DLGAP1: variants seen among roughly 807,000 people sequenced by gnomAD.
DLGAP1 encodes DLG associated protein 1.
Under a neutral mutation model 90.8 loss-of-function variants are expected in DLGAP1, and 11 were observed. That is an observed-to-expected ratio of 0.12 (90% CI 0.08 to 0.20). The LOEUF is 0.20. Ranked by LOEUF, DLGAP1 falls within the 10% of genes least tolerant of loss-of-function variation. The pLI, the probability that DLGAP1 is intolerant of heterozygous loss-of-function variation, is 1.00. For missense variants in DLGAP1, 1,050 were observed against 1,333.8 expected (o/e 0.79, Z 3.31); for synonymous variants, 558 against 540.7 (o/e 1.03, Z -0.44).
chr18:3,999,656 A>G (rs949256308), intron 3 of DLGAP1, among the ~76,000 whole-genome samples: 5 of 152,180 alleles, frequency 3.3e-5, no homozygotes, highest in Non-Finnish European at 7.3e-5. Flanking sequence ...AAGTAATTTG[A>G]TATTGCCACT....
At chr18:4,087,273 C>T (rs1762994770) in intron 2 of DLGAP1, among the ~76,000 whole-genome samples, 1 of 151,754 alleles carries the variant, frequency 6.6e-6, no homozygotes. Context: ...CAAAACTGGC[C>T]ATAAACAAAA....
chr18:4,020,101 T>C (rs1444023595), intron 2 of DLGAP1, among the ~76,000 whole-genome samples: 1 of 152,156 alleles, frequency 6.6e-6, no homozygotes, highest in Non-Finnish European at 1.5e-5. Flanking sequence ...CTAGGTTTTA[T>C]CGTGCAGATG....
At chr18:4,287,823 A>G (rs1487647435) in intron 1 of DLGAP1, among the ~76,000 whole-genome samples, 2 of 152,152 alleles carry the variant, frequency 1.3e-5, no homozygotes, top group Non-Finnish European at 2.9e-5. Context: ...TACATTCTGC[A>G]CATGTATCCC....
At position 3,866,827 on chromosome 18, in the gene DLGAP1, T is replaced by C. The variant is rs569321253; in HGVS notation, c.957+12285A>G. ...AAATGTCTTGAATATCCATCAAGTG[T>C]GGAATTAGTGTTATTTTTTATTTTA... is the stretch of plus-strand genomic sequence containing the variant. On this transcript the variant is annotated intron_variant, in intron 4 of 12. Transcript: ENST00000315677. 5.3e-5 allele frequency among the ~76,000 whole-genome samples: 8 copies of C among 152,256 alleles called. No individual in the cohort carries two copies. In the South Asian group the frequency reaches 1.7e-3, roughly 32 times the overall value.
intron 1 of DLGAP1, among the ~76,000 whole-genome samples, chr18:4,242,439 C>A (rs377178824): frequency 6.6e-6 from 1 of 152,072 alleles, no homozygotes; most frequent in East Asian, 1.9e-4. Flanking sequence ...AAGGAGAACA[C>A]AAGCAGCCAG....
intron 5 of DLGAP1, among the ~76,000 whole-genome samples, chr18:3,787,176 A>G (rs952527883): frequency 6.6e-6 from 1 of 152,148 alleles, no homozygotes; most frequent in Non-Finnish European, 1.5e-5. Context: ...GCATAGATAT[A>G]TGGTCACATT....
intron 1 of DLGAP1, among the ~76,000 whole-genome samples, chr18:4,244,156 A>G (rs2145149510): frequency 6.6e-6 from 1 of 152,300 alleles, no homozygotes; most frequent in Admixed American, 6.5e-5. Flanking sequence ...AATAATTTGA[A>G]ATATATTTTC....
intron 7 of DLGAP1, among the ~76,000 whole-genome samples, chr18:3,682,135 A>AAAAAAAAAAAAAT (rs1567956191): frequency 1.4e-5 from 2 of 147,700 alleles, no homozygotes; most frequent in Non-Finnish European, 1.5e-5. Flanking sequence ...AAAAAATAAA[A>AAAAAAAAAAAAAT]AAAAATAAAA....
At position 4,234,818 on chromosome 18, in the gene DLGAP1, C is replaced by CT. The variant is rs1437369216; in HGVS notation, c.-266-83532dup. 2.6e-5 allele frequency among the ~76,000 whole-genome samples: 4 copies of CT among 152,040 alleles called. No homozygotes were observed. In the East Asian group the frequency reaches 7.7e-4, roughly 29 times the overall value. On this transcript the variant is annotated intron_variant, in intron 1 of 12. Coordinates refer to ENST00000315677, the MANE Select transcript of DLGAP1 (RefSeq NM_004746.4). ...GGCAATTTGGATAGATGCTGACGTT[C>CT]TTTTTTTCCTGTTTTACTTATTCAC...
chr18:4,262,308 C>T (rs750839680), intron 1 of DLGAP1, among the ~76,000 whole-genome samples: 2 of 152,076 alleles, frequency 1.3e-5, no homozygotes, highest in African/African-American at 2.4e-5. Context: ...AAGGAATTCC[C>T]GGGCAGTCCC....
At chr18:3,693,123 G>T (rs1156503161) in intron 7 of DLGAP1, among the ~76,000 whole-genome samples, 5 of 152,182 alleles carry the variant, frequency 3.3e-5, no homozygotes, top group African/African-American at 1.2e-4. Flanking sequence ...AGTCTATGTC[G>T]CTCAGGCTGG....
intron 2 of DLGAP1, among the ~76,000 whole-genome samples, chr18:4,147,483 C>G (rs12607175): frequency 6.6e-6 from 1 of 152,090 alleles, no homozygotes; most frequent in East Asian, 1.9e-4. Flanking sequence ...CCACCTTTCT[C>G]TATAGCACAA....
chr18:4,338,990 A>G (rs1266524666), intron 1 of DLGAP1, among the ~76,000 whole-genome samples: 1 of 152,216 alleles, frequency 6.6e-6, no homozygotes, highest in African/African-American at 2.4e-5. Flanking sequence ...ACTGTGTCCA[A>G]CTGATGGGGA....
At chr18:3,513,604 G>A (rs536053221) in intron 10 of DLGAP1, among the ~76,000 whole-genome samples, 8 of 152,308 alleles carry the variant, frequency 5.3e-5, no homozygotes, top group Admixed American at 5.2e-4. Flanking sequence ...TGAAGTGACT[G>A]GCAGGCAAGG....
chr18:3,970,919 G>A (rs1003189380), intron 3 of DLGAP1, among the ~76,000 whole-genome samples: 3 of 152,144 alleles, frequency 2.0e-5, no homozygotes, highest in Non-Finnish European at 4.4e-5. Context: ...TATGAGGTCT[G>A]CTTCCACCCT....
chr18:3,503,114 C>T (rs1272087006), intron 11 of DLGAP1, among the ~76,000 whole-genome samples: 1 of 151,884 alleles, frequency 6.6e-6, no homozygotes, highest in Non-Finnish European at 1.5e-5. Flanking sequence ...AAGTAAAACA[C>T]AAATGATTAG....
intron 1 of DLGAP1, among the ~76,000 whole-genome samples, chr18:4,381,446 C>T (rs1381186887): frequency 6.6e-6 from 1 of 152,134 alleles, no homozygotes; most frequent in African/African-American, 2.4e-5. Context: ...CCAAAATCTT[C>T]AAAAATAATC....
chr18:3,677,243 A>G (rs1220893580), intron 7 of DLGAP1, among the ~76,000 whole-genome samples: 1 of 152,224 alleles, frequency 6.6e-6, no homozygotes, highest in Admixed American at 6.5e-5. Flanking sequence ...AACTCCTTTG[A>G]TAACTATCCC....
intron 5 of DLGAP1, among the ~76,000 whole-genome samples, chr18:3,786,993 G>A (rs2065480221): frequency 1.3e-5 from 2 of 152,204 alleles, no homozygotes; most frequent in African/African-American, 4.8e-5. Context: ...CAGTGAATAA[G>A]TACCAAATGG....
Sources: allele counts gnomAD v4.1 joint callset (sites outside exome capture counted in the v4.1 genomes callset), GRCh38; gene constraint gnomAD v4.1.1; transcripts MANE v1.5; gene names NCBI Gene and HGNC (gene_info 2026-07-23, HGNC 2026-07-21).